Variants in EML1 observed in about 807,000 individuals in gnomAD.
The protein encoded by EML1 is EMAP like 1, also known as echinoderm microtubule-associated protein-like 1.
A neutral mutation model predicts 110.4 loss-of-function variants in EML1; 27 were observed. The ratio of observed to expected loss-of-function variants is 0.24; its 90% CI spans 0.18 to 0.34. EML1 has a LOEUF of 0.34. EML1 is among the 10% of genes least tolerant of loss of function. The pLI, the probability that EML1 is intolerant of heterozygous loss-of-function variation, is 1.00. For missense variants in EML1, 741 were observed against 1,030.9 expected (o/e 0.72, Z 3.85); for synonymous variants, 344 against 385.8 (o/e 0.89, Z 1.27).
chr14:99,760,407 C>A (rs2057302637), intron 1 of EML1, among the ~76,000 whole-genome samples: 2 of 152,190 alleles, frequency 1.3e-5, no homozygotes. Flanking sequence ...TGCATGATCT[C>A]CGTAATGACC....
At chr14:99,923,116 A>AT (rs2060159345) in intron 17 of EML1, among the ~76,000 whole-genome samples, 2 of 151,982 alleles carry the variant, frequency 1.3e-5, no homozygotes, top group Admixed American at 1.3e-4. Context: ...TAATTTTTGT[A>AT]TTTTTGTTAG....
chr14:99,794,668 C>T (rs985848644), intron 1 of EML1, among the ~76,000 whole-genome samples: 6 of 152,178 alleles, frequency 3.9e-5, no homozygotes, highest in Admixed American at 6.6e-5. Flanking sequence ...GCTTTTGCAG[C>T]TTATACTTTA....
intron 3 of EML1, among the ~76,000 whole-genome samples, chr14:99,867,144 T>C (rs1469570655): frequency 6.6e-6 from 1 of 152,184 alleles, no homozygotes; most frequent in Non-Finnish European, 1.5e-5. Context: ...ATTTTGTCTA[T>C]ACATTCATCC....
intron 17 of EML1, among the ~76,000 whole-genome samples, chr14:99,930,683 G>A (rs1207661575): frequency 4.6e-5 from 7 of 152,126 alleles, no homozygotes; most frequent in Non-Finnish European, 4.4e-5. Context: ...CATGCATGTC[G>A]AGAATCTTAT....
chr14:99,737,799 G>A (rs2056986593), exon 1 of EML1: 5 of 1,289,226 alleles, frequency 3.9e-6, no homozygotes, highest in Non-Finnish European at 4.0e-6. Flanking sequence ...GACCCTGCAG[G>A]CTGGTGGCCA....
chr14:99,755,142 T>G (rs11844271), intron 1 of EML1, among the ~76,000 whole-genome samples: 1 of 152,306 alleles, frequency 6.6e-6, no homozygotes, highest in African/African-American at 2.4e-5. Context: ...CTGGGGCCTC[T>G]GGGCCCAATC....
intron 1 of EML1, among the ~76,000 whole-genome samples, chr14:99,738,926 G>A (rs1338801941): frequency 2.6e-5 from 4 of 152,218 alleles, no homozygotes; most frequent in East Asian, 3.9e-4. Flanking sequence ...GGAGGCTCTC[G>A]GAACTCATCA....
intron 1 of EML1, among the ~76,000 whole-genome samples, chr14:99,848,960 CAAA>C (rs35648071): frequency 4.4e-5 from 6 of 135,174 alleles, no homozygotes; most frequent in Non-Finnish European, 6.4e-5. Context: ...AAGACCCTGT[CAAA>C]AAAAAAAAAA....
chr14:99,793,326 C>G, upstream of EML1: 1 of 980,520 alleles, frequency 1.0e-6, no homozygotes, highest in Non-Finnish European at 1.2e-6. Context: ...CGGCGGCGGG[C>G]CCGGGGTTGC....
intron 1 of EML1, among the ~76,000 whole-genome samples, chr14:99,835,244 G>C (rs774269337): frequency 6.6e-6 from 1 of 152,132 alleles, no homozygotes. Flanking sequence ...CTAAGTTACT[G>C]AATTTATTGG....
chr14:99,937,847 G>C lies in EML1; in HGVS notation c.2126G>C (p.Ser709Thr), dbSNP rs1255301684. ...CCCTCTGCCTGTAAGCAAGTCGTAA[G>C]TGTGGAAACTACAAGAGACATTGAA... ...WVPSACKQVV[S>T]VETTRDIEWA... The change falls in exon 20 of 22, where the codon AGT (serine) becomes ACT (threonine). Residue 709 changes from serine to threonine, a missense_variant. Physicochemically the swap from Ser to Thr is moderately conservative, Grantham distance 58 (BLOSUM62 1). Coordinates refer to ENST00000262233, the MANE Select transcript of EML1 (RefSeq NM_004434.3). 17 of 1,614,182 alleles carry C rather than the reference G, an allele frequency of 1.1e-5. No homozygotes were observed. Among genetic ancestry groups the C allele is most frequent in the Non-Finnish European group, 1.4e-5 (17 of 1,179,988 alleles).
chr14:99,750,607 T>C (rs2057164999), intron 1 of EML1, among the ~76,000 whole-genome samples: 1 of 152,190 alleles, frequency 6.6e-6, no homozygotes, highest in African/African-American at 2.4e-5. Context: ...ATCACCCGTA[T>C]TCAAGGGCAC....
intron 9 of EML1, among the ~76,000 whole-genome samples, chr14:99,902,480 A>G (rs2140023673): frequency 6.6e-6 from 1 of 152,312 alleles, no homozygotes; most frequent in East Asian, 1.9e-4. Flanking sequence ...CTAATGACAA[A>G]TGTACCATAG....
intron 1 of EML1, among the ~76,000 whole-genome samples, chr14:99,775,878 G>A (rs1430408679): frequency 6.6e-6 from 1 of 152,142 alleles, no homozygotes; most frequent in Non-Finnish European, 1.5e-5. Flanking sequence ...ACATTTTGTA[G>A]ATTCATCCAG....
At chr14:99,804,897 A>G (rs2057943489) in intron 1 of EML1, among the ~76,000 whole-genome samples, 1 of 152,142 alleles carries the variant, frequency 6.6e-6, no homozygotes, top group Admixed American at 6.5e-5. Context: ...TCTGGGAACC[A>G]CTTGCCACCT....
chr14:99,895,938 A>G (rs892259710), intron 6 of EML1, among the ~76,000 whole-genome samples: 1 of 152,148 alleles, frequency 6.6e-6, no homozygotes, highest in Admixed American at 6.5e-5. Context: ...CTAGGCCACA[A>G]AAATCTGAAT....
intron 17 of EML1, among the ~76,000 whole-genome samples, chr14:99,921,096 G>A (rs1256501036): frequency 3.1e-4 from 47 of 151,294 alleles, no homozygotes; most frequent in Non-Finnish European, 5.9e-5. Context: ...ACAGGCCCCA[G>A]TGTGTCTTGT....
intron 1 of EML1, among the ~76,000 whole-genome samples, chr14:99,811,019 T>G (rs2058066986): frequency 6.6e-6 from 1 of 152,152 alleles, no homozygotes; most frequent in Non-Finnish European, 1.5e-5. Context: ...CCTCTTTTCC[T>G]ACATCCAGAT....
intron 4 of EML1, among the ~76,000 whole-genome samples, chr14:99,889,785 A>T (rs925736205): frequency 6.6e-6 from 1 of 152,242 alleles, no homozygotes; most frequent in East Asian, 1.9e-4. Flanking sequence ...TTGTAGGCCA[A>T]TGTAAGACCC....
Sources: gnomAD v4.1 joint callset for allele counts (sites outside exome capture counted in the v4.1 genomes callset) on GRCh38, gnomAD v4.1.1 for gene constraint, MANE v1.5 for transcripts, NCBI Gene and HGNC (gene_info 2026-07-23, HGNC 2026-07-21) for gene names.